The following GRIK2 variants were observed in gnomAD, a reference collection of about 807,000 sequenced individuals.
GRIK2 encodes glutamate receptor ionotropic, kainate 2.
Under a neutral mutation model 100.3 loss-of-function variants are expected in GRIK2, and 32 were observed. The ratio of observed to expected loss-of-function variants is 0.32; its 90% CI spans 0.24 to 0.43. The LOEUF (loss-of-function observed/expected upper bound fraction) is 0.43, where lower values mean the gene tolerates loss of function less well. Ranked by LOEUF, GRIK2 falls within the 20% of genes least tolerant of loss-of-function variation. The probability of loss-of-function intolerance (pLI) is 1.00; values close to 1 mark genes in which losing one functional copy is unlikely to be tolerated. For synonymous variants in GRIK2, 417 were observed against 389.4 expected, an observed-to-expected ratio of 1.07 and a Z score of -0.83; for missense variants, 843 against 1,114.9, an observed-to-expected ratio of 0.76 and a Z score of 3.47.
intron 2 of GRIK2, among the ~76,000 whole-genome samples, chr6:101,564,866 A>G (rs1056349660): frequency 3.3e-5 from 5 of 152,094 alleles, no homozygotes; most frequent in African/African-American, 7.2e-5. Flanking sequence ...ACTCCGATGT[A>G]TGTTACACTC....
At chr6:101,592,485 A>G (rs972024747) in intron 2 of GRIK2, among the ~76,000 whole-genome samples, 1 of 150,660 alleles carries the variant, frequency 6.6e-6, no homozygotes, top group Non-Finnish European at 1.5e-5. Flanking sequence ...AGCTGAGGCA[A>G]TTCCTGGGAA....
intron 2 of GRIK2, among the ~76,000 whole-genome samples, chr6:101,454,133 G>C (rs2128250206): frequency 6.6e-6 from 1 of 152,122 alleles, no homozygotes; most frequent in Middle Eastern, 3.4e-3. Context: ...TCTCTTTCCT[G>C]TTTTCTTTTT....
At chr6:101,505,789 A>C (rs998373010) in intron 2 of GRIK2, among the ~76,000 whole-genome samples, 8 of 151,800 alleles carry the variant, frequency 5.3e-5, no homozygotes, top group African/African-American at 1.2e-4. Flanking sequence ...AAAAAAAAAA[A>C]AAACTAGAAA....
At chr6:102,034,567 A>G (rs1266846861) in intron 14 of GRIK2, among the ~76,000 whole-genome samples, 1 of 151,370 alleles carries the variant, frequency 6.6e-6, no homozygotes, top group Non-Finnish European at 1.5e-5. Context: ...ATGTTTTACC[A>G]GGGCCTTCTG....
intron 6 of GRIK2, among the ~76,000 whole-genome samples, chr6:101,685,121 T>C (rs1260085661): frequency 6.6e-6 from 1 of 152,212 alleles, no homozygotes; most frequent in Non-Finnish European, 1.5e-5. Flanking sequence ...AAATAACTTG[T>C]CTTGCTTCTG....
intron 7 of GRIK2, among the ~76,000 whole-genome samples, chr6:101,776,829 C>T (rs1398759973): frequency 1.3e-5 from 2 of 152,146 alleles, no homozygotes; most frequent in African/African-American, 4.8e-5. Context: ...CTCCATGCTC[C>T]TTTGCCATCT....
chr6:101,746,613 C>T (rs1450995616), intron 7 of GRIK2, among the ~76,000 whole-genome samples: 1 of 152,114 alleles, frequency 6.6e-6, no homozygotes, highest in Non-Finnish European at 1.5e-5. Flanking sequence ...AGGAGTTAGC[C>T]ACTGCGCCTG....
chr6:101,508,526 C>T (rs948095576), intron 2 of GRIK2, among the ~76,000 whole-genome samples: 4 of 151,972 alleles, frequency 2.6e-5, no homozygotes, highest in African/African-American at 9.7e-5. Flanking sequence ...TCTAATTTCT[C>T]TTTGCTTTAT....
At chr6:101,686,074 A>C (rs1771670789) in intron 6 of GRIK2, 106 bp from the exon 7 acceptor site, 1 of 670,614 alleles carries the variant, frequency 1.5e-6, no homozygotes, top group African/African-American at 1.8e-5. Flanking sequence ...CTTGACACAA[A>C]GGTGTTAAGT....
intron 2 of GRIK2, among the ~76,000 whole-genome samples, chr6:101,593,778 A>G (rs1239474965): frequency 6.6e-6 from 1 of 151,870 alleles, no homozygotes; most frequent in Non-Finnish European, 1.5e-5. Context: ...TTAGTTTTTG[A>G]ACAGATGACA....
intron 2 of GRIK2, among the ~76,000 whole-genome samples, chr6:101,596,087 A>G (rs1778917432): frequency 6.6e-6 from 1 of 151,336 alleles, no homozygotes; most frequent in South Asian, 2.1e-4. Flanking sequence ...CAGAGCAAAC[A>G]ACTTCAAATT....
At chr6:101,829,753 C>G (rs553854168) in intron 10 of GRIK2, among the ~76,000 whole-genome samples, 1 of 151,730 alleles carries the variant, frequency 6.6e-6, no homozygotes. Flanking sequence ...AACAAAATCA[C>G]GCTGAAAGAT....
intron 2 of GRIK2, among the ~76,000 whole-genome samples, chr6:101,501,736 G>A (rs755025447): frequency 2.0e-4 from 31 of 152,214 alleles, no homozygotes; most frequent in Non-Finnish European, 4.1e-4. Flanking sequence ...CCATGGGAAA[G>A]TTCCTTAGCA....
At chr6:101,418,360 C>A (rs530614146) in intron 2 of GRIK2, among the ~76,000 whole-genome samples, 2 of 152,046 alleles carry the variant, frequency 1.3e-5, no homozygotes, top group Admixed American at 1.3e-4. Context: ...GTGCTCAGTG[C>A]AGAGTTTAAC....
At chr6:101,930,886 G>A (rs1409644369) in intron 14 of GRIK2, among the ~76,000 whole-genome samples, 1 of 151,876 alleles carries the variant, frequency 6.6e-6, no homozygotes, top group Non-Finnish European at 1.5e-5. Context: ...AAGTCGACAC[G>A]ACACAGCTTT....
intron 10 of GRIK2, among the ~76,000 whole-genome samples, chr6:101,844,415 A>G (rs2791825): frequency 0.94 from 143,459 of 152,264 alleles, 67,607 homozygotes; most frequent in East Asian, 0.98. Context: ...TAATAGGAGA[A>G]TAAATTTGTG....
intron 7 of GRIK2, among the ~76,000 whole-genome samples, chr6:101,724,063 G>T (rs999357232): frequency 2.0e-5 from 3 of 151,432 alleles, no homozygotes; most frequent in Admixed American, 6.6e-5. Flanking sequence ...GTTCTGTTTT[G>T]CCCTGGACAT....
chr6:102,058,934 TA>T (rs1771606440), intron 16 of GRIK2, among the ~76,000 whole-genome samples: 1 of 151,382 alleles, frequency 6.6e-6, no homozygotes, highest in African/African-American at 2.4e-5. Context: ...AATTTATAAA[TA>T]ATGAATATCT....
chr6:101,461,607 A>G (rs891875378), intron 2 of GRIK2, among the ~76,000 whole-genome samples: 1 of 152,206 alleles, frequency 6.6e-6, no homozygotes, highest in Admixed American at 6.5e-5. Flanking sequence ...GATGGTTTCC[A>G]CATTTTCAGG....
Sources: allele counts gnomAD v4.1 joint callset (sites outside exome capture counted in the v4.1 genomes callset), GRCh38; gene constraint gnomAD v4.1.1; transcripts MANE v1.5; gene names NCBI Gene and HGNC (gene_info 2026-07-23, HGNC 2026-07-21).